NRDE2: variants seen among roughly 807,000 people sequenced by gnomAD.
NRDE2 encodes the protein NRDE-2, necessary for RNA interference, domain containing, also known as nuclear exosome regulator NRDE2.
Under a neutral mutation model 124.2 loss-of-function variants are expected in NRDE2, and 76 were observed. That is an observed-to-expected ratio of 0.61 (90% CI 0.51 to 0.74). The LOEUF (loss-of-function observed/expected upper bound fraction) is 0.74. Ranked by LOEUF, NRDE2 falls within the 30% of genes least tolerant of loss-of-function variation. The pLI is 0.00. For missense variants in NRDE2, 1,314 were observed against 1,417.3 expected (o/e 0.93, Z 1.17); for synonymous variants, 489 against 528.1 (o/e 0.93, Z 1.01).
chr14:90,311,652 T>C (rs987012759), intron 4 of NRDE2, among the ~76,000 whole-genome samples: 5 of 152,118 alleles, frequency 3.3e-5, no homozygotes, highest in Non-Finnish European at 7.3e-5. Context: ...TATTTCTTCA[T>C]AATAGTATGA....
chr14:90,322,343 C>G (rs750457662), intron 1 of NRDE2, among the ~76,000 whole-genome samples: 1 of 152,232 alleles, frequency 6.6e-6, no homozygotes, highest in Non-Finnish European at 1.5e-5. Flanking sequence ...CCACCTGTCA[C>G]TTCCCAAACT....
chr14:90,290,541 C>T lies in NRDE2; in HGVS notation c.1909G>A (p.Val637Met). Residue 637 changes from valine (V) to methionine (M), a missense_variant, in exon 10 of 14, where the codon GTG becomes ATG. By Grantham distance (21) the Val-to-Met change is conservative (BLOSUM62 1). Coordinates refer to ENST00000354366, the MANE Select transcript of NRDE2 (RefSeq NM_017970.4). The part of the protein sequence containing the change: ...LSSHDLQFQL[V>M]EAFLQFLGVP... Reference sequence around the variant, plus strand: ...CCCAAGAACTGCAGGAAGGCCTCCACCAGCTGGAACTGAAGATCATGGCTG... The same window carrying T: ...CCCAAGAACTGCAGGAAGGCCTCCATCAGCTGGAACTGAAGATCATGGCTG... The T allele has an allele frequency of 4.3e-6, 7 of 1,613,808 alleles. No individual in the cohort carries two copies. The highest frequency in any genetic ancestry group is 5.9e-6 in the Non-Finnish European group (7 of 1,179,890).
At chr14:90,298,139 G>C (rs1884248524) in intron 8 of NRDE2, 121 bp downstream of exon 8, 1 of 1,077,800 alleles carries the variant, frequency 9.3e-7, no homozygotes, top group African/African-American at 1.6e-5. Flanking sequence ...TTGACATTTT[G>C]ATGTTTGTGC....
chr14:90,309,307 C>T (rs990624580), intron 4 of NRDE2, among the ~76,000 whole-genome samples: 4 of 145,272 alleles, frequency 2.8e-5, no homozygotes, highest in African/African-American at 5.1e-5. Context: ...TAGTGGCATA[C>T]GGGAAAAAAA....
At chr14:90,288,188 G>T (rs754699660) in intron 11 of NRDE2, 29 bp downstream of exon 11, 10 of 1,582,298 alleles carry the variant, frequency 6.3e-6, no homozygotes, top group Non-Finnish European at 8.6e-6. Flanking sequence ...ACATTTGCGG[G>T]GCACACGAAC....
At chr14:90,320,048 T>C (rs558976300) in intron 1 of NRDE2, among the ~76,000 whole-genome samples, 2 of 152,352 alleles carry the variant, frequency 1.3e-5, no homozygotes, top group South Asian at 2.1e-4. Context: ...GTAGTTTTGA[T>C]TTCCATTTCC....
chr14:90,294,673 T>TG (rs981415048), intron 8 of NRDE2, among the ~76,000 whole-genome samples: 3 of 151,898 alleles, frequency 2.0e-5, no homozygotes, highest in East Asian at 1.9e-4. Context: ...TGCTGGGGCC[T>TG]GGGGGGAGGG....
At chr14:90,293,118 G>T (rs1421985696) in intron 8 of NRDE2, among the ~76,000 whole-genome samples, 1 of 152,158 alleles carries the variant, frequency 6.6e-6, no homozygotes, top group Non-Finnish European at 1.5e-5. Flanking sequence ...AAATGGAAAT[G>T]ACACATACTC....
At chr14:90,318,452 A>G (rs1885128327) in intron 1 of NRDE2, among the ~76,000 whole-genome samples, 1 of 152,196 alleles carries the variant, frequency 6.6e-6, no homozygotes, top group Non-Finnish European at 1.5e-5. Flanking sequence ...GAATGCTTCC[A>G]AAGCATTAGG....
rs1303256419 is a variant in NRDE2 at position 90,272,134 on chromosome 14, T to G, written c.*6202A>C. ...GTCTTGAACTCCTGACCTTAGGCGA[T>G]CCACCTGCCTCGGCCTCCCAGAGTG... On this transcript the variant is annotated 3_prime_UTR_variant, in exon 14 of 14. Coordinates refer to ENST00000354366, the MANE Select transcript of NRDE2 (RefSeq NM_017970.4). The surrounding 1 kb of genome is among the most constrained non-coding windows in gnomAD (Gnocchi z 4.5). 1 of 833,058 alleles carries G rather than the reference T, an allele frequency of 1.2e-6. No homozygotes were observed. Among genetic ancestry groups the G allele is most frequent in the East Asian group, 3.3e-5 (1 of 30,540 alleles). 51.6% of individuals were successfully genotyped at this position (833,058 alleles called of 1,614,324 possible). A position where few individuals can be genotyped will look rare whatever the true frequency, so the allele number is the denominator to read the frequency against.
chr14:90,290,226 C>T lies in NRDE2; in HGVS notation c.2224G>A (p.Ala742Thr), dbSNP rs765067369. The T allele has an allele frequency of 1.9e-6, 3 of 1,611,274 alleles. No individual in the cohort carries two copies. The highest frequency in any genetic ancestry group is 1.3e-5 in the African/African-American group (1 of 74,838). The change falls in exon 10 of 14, where the codon GCA (alanine) becomes ACA (threonine). Residue 742 changes from alanine to threonine, a missense_variant. Physicochemically the swap from Ala to Thr is moderately conservative, Grantham distance 58. Coordinates refer to ENST00000354366, the MANE Select transcript of NRDE2 (RefSeq NM_017970.4). ...LCFSWLQYEI[A>T]KVIWCLHTKN... ...GAGGACGAGTCTGGAATTACCTTTG[C>T]AATCTCATACTGTAACCAGGAGAAG...
chr14:90,297,656 G>A (rs942520337), intron 8 of NRDE2, among the ~76,000 whole-genome samples: 3 of 152,062 alleles, frequency 2.0e-5, no homozygotes, highest in East Asian at 1.9e-4. Context: ...GAATGGGGTC[G>A]GGCGTGGTGG....
At chr14:90,326,217 G>A (rs141010768) in intron 1 of NRDE2, among the ~76,000 whole-genome samples, 4,558 of 152,264 alleles carry the variant, frequency 0.03, 247 homozygotes, top group African/African-American at 0.1. Flanking sequence ...GAGGGAGGCC[G>A]GGCGCGGTGG....
chr14:90,313,724 G>A (rs1479397019), intron 3 of NRDE2, among the ~76,000 whole-genome samples: 1 of 152,196 alleles, frequency 6.6e-6, no homozygotes, highest in Non-Finnish European at 1.5e-5. Context: ...GCCATTAACT[G>A]TTGTTCCATC....
chr14:90,315,402 C>A (rs1423139037), intron 3 of NRDE2, among the ~76,000 whole-genome samples: 1 of 151,878 alleles, frequency 6.6e-6, no homozygotes, highest in African/African-American at 2.4e-5. Context: ...TGAAGAGTTG[C>A]AAAAACCTCA....
Position 90,316,613 on chromosome 14 carries a change from G to A in NRDE2, c.372C>T (p.Gly124=), listed in dbSNP as rs763510319. 7 of 1,613,742 alleles carry A rather than the reference G, an allele frequency of 4.3e-6. No homozygotes were observed. The highest frequency in any genetic ancestry group is 1.3e-5 in the African/African-American group (1 of 74,902). The change falls in exon 3 of 14, where the codon GGC becomes GGT. Residue 124 remains glycine, a synonymous_variant. Transcript: ENST00000354366. ...CAGATTCCTTTTTACTGCCTCCAAC[G>A]CCTCTGGAAGGTTTGTCCTTTTCAG... ...TDSEKDKPSR[G]VGGSKKESEE... is the part of the protein sequence containing the mutation.
At chr14:90,299,205 C>T (rs1168312044) in intron 7 of NRDE2, among the ~76,000 whole-genome samples, 1 of 152,082 alleles carries the variant, frequency 6.6e-6, no homozygotes, top group East Asian at 1.9e-4. Flanking sequence ...AGCCACCACA[C>T]CCAGCTAATT....
chr14:90,284,350 A>AT (rs546656748), intron 12 of NRDE2, among the ~76,000 whole-genome samples: 4,360 of 134,334 alleles, frequency 0.032, 201 homozygotes, highest in African/African-American at 0.1. Context: ...TTTTTTTTCT[A>AT]TTTTTTTTTT....
rs1402262650 is a variant in NRDE2 at position 90,273,589 on chromosome 14, A to AATT, written c.*4744_*4746dup. ...AAATAAATAAATAAATAAAAACCAC[A>AATT]ATTTTATCTCAGTTCTGTAGGTCAG... On this transcript the variant is annotated 3_prime_UTR_variant, in exon 14 of 14. Coordinates refer to ENST00000354366, the MANE Select transcript of NRDE2 (RefSeq NM_017970.4). The AATT allele has an allele frequency of 6.6e-6, 1 of 152,258 alleles. No individual in the cohort carries two copies. Among genetic ancestry groups the AATT allele is most frequent in the Non-Finnish European group, 1.5e-5 (1 of 68,124 alleles). 9.4% of individuals were successfully genotyped at this position (152,258 alleles called of 1,614,324 possible). A position where few individuals can be genotyped will look rare whatever the true frequency, so the allele number is the denominator to read the frequency against.
Sources: allele counts gnomAD v4.1 joint callset (sites outside exome capture counted in the v4.1 genomes callset), GRCh38; gene constraint gnomAD v4.1.1; non-coding constraint Gnocchi (gnomAD v3.1); transcripts MANE v1.5; gene names NCBI Gene and HGNC (gene_info 2026-07-23, HGNC 2026-07-21).